The following SPINK5 variants were observed in gnomAD, a reference collection of about 807,000 sequenced individuals.
The protein encoded by SPINK5 is serine peptidase inhibitor Kazal type 5.
A neutral mutation model predicts 151.8 loss-of-function variants in SPINK5; 125 were observed. The observed-to-expected ratio is 0.82, with a 90% CI of 0.71 to 0.96. The LOEUF is 0.96. Among genes scored for constraint, SPINK5 ranks in the 40% least tolerant of loss-of-function variants. The pLI, the probability that SPINK5 is intolerant of heterozygous loss-of-function variation, is 0.00. For missense variants in SPINK5, 1,194 were observed against 1,291.9 expected, an observed-to-expected ratio of 0.92 and a Z score of 1.16; for synonymous variants, 374 against 395.3, an observed-to-expected ratio of 0.95 and a Z score of 0.64.
At position 148,120,110 on chromosome 5, in the gene SPINK5, T is replaced by C. The variant is rs2113193797; in HGVS notation, c.2415T>C (p.Asn805=). The C allele has an allele frequency of 6.2e-7, 1 of 1,613,954 alleles. No individual in the cohort carries two copies. Among genetic ancestry groups the C allele is most frequent in the Non-Finnish European group, 8.5e-7 (1 of 1,179,858 alleles). The change falls in exon 25 of 33, where the codon AAT becomes AAC. Residue 805 remains asparagine, a synonymous_variant. Transcript: ENST00000256084. ...GTCCAGATGGCAAGACACATGGCAA[T>C]AAGTGTACTATGTGTAAGGAAAAAC... ...VRGPDGKTHG[N]KCTMCKEKLE...
chr5:148,112,753 C>G, intron 19 of SPINK5, 115 bp from the exon 20 acceptor site: 1 of 1,509,008 alleles, frequency 6.6e-7, no homozygotes, highest in Non-Finnish European at 9.0e-7. Flanking sequence ...CACTCCAAAG[C>G]TAAGTTGGTG....
At chr5:148,124,942 C>T in intron 28 of SPINK5, 105 bp downstream of exon 28, 1 of 1,290,954 alleles carries the variant, frequency 7.7e-7, no homozygotes, top group Non-Finnish European at 9.9e-7. Flanking sequence ...ATCTTAACTT[C>T]AAAGAAAATT....
rs114798985 is a variant in SPINK5 at position 148,064,701 on chromosome 5, A to C, written c.55+602A>C. On this transcript the variant is annotated intron_variant, in intron 1 of 32. Transcript: ENST00000256084. The stretch of plus-strand genomic sequence containing the variant: ...AATTGCCTAGACTTACGTTGCTCTG[A>C]AACATTAAAATTTTTAAAAAGAGAA... Among the ~76,000 whole-genome samples, 833 of 152,262 alleles carry C rather than the reference A, an allele frequency of 5.5e-3. 8 individuals carry two copies. The highest frequency in any genetic ancestry group is 0.019 in the African/African-American group (769 of 41,548).
chr5:148,102,488 C>A (rs1263953204), intron 15 of SPINK5, among the ~76,000 whole-genome samples: 1 of 152,000 alleles, frequency 6.6e-6, no homozygotes, highest in Non-Finnish European at 1.5e-5. Context: ...ACACTGAATT[C>A]AATTAATATG....
intron 18 of SPINK5, among the ~76,000 whole-genome samples, chr5:148,111,484 CT>C (rs770760685): frequency 5.3e-5 from 8 of 152,132 alleles, no homozygotes; most frequent in Non-Finnish European, 1.0e-4. Context: ...CCACAGATTC[CT>C]TTACCAATTT....
At chr5:148,100,413 A>G (rs769311166) in intron 12 of SPINK5, 41 bp from the exon 13 acceptor site, 1 of 1,596,808 alleles carries the variant, frequency 6.3e-7, no homozygotes, top group Non-Finnish European at 8.6e-7. Context: ...CTTTAAGTAG[A>G]AATGAAATAT....
At chr5:148,078,355 C>A (rs1752937377) in intron 4 of SPINK5, among the ~76,000 whole-genome samples, 1 of 150,954 alleles carries the variant, frequency 6.6e-6, no homozygotes, top group Non-Finnish European at 1.5e-5. Flanking sequence ...TTAGGAATTT[C>A]AATACTCCAC....
intron 29 of SPINK5, 43 bp from the exon 30 acceptor site, chr5:148,126,940 G>C: frequency 3.3e-5 from 48 of 1,476,116 alleles, no homozygotes; most frequent in Non-Finnish European, 4.4e-5. Flanking sequence ...GAAGTTATAG[G>C]AACTGTTTCT....
At chr5:148,095,132 C>T (rs1332943031) in intron 9 of SPINK5, among the ~76,000 whole-genome samples, 2 of 151,964 alleles carry the variant, frequency 1.3e-5, no homozygotes, top group Non-Finnish European at 2.9e-5. Flanking sequence ...TGGACAAGAA[C>T]TCCTAAAGTC....
At chr5:148,091,131 CAT>C in intron 7 of SPINK5, 32 bp from the exon 8 acceptor site, 1 of 1,580,100 alleles carries the variant, frequency 6.3e-7, no homozygotes, top group Non-Finnish European at 8.7e-7. Context: ...ATGATTGAGT[CAT>C]AAACTGACCA....
Position 148,137,178 on chromosome 5 carries a change from G to C in SPINK5, c.*187G>C. On this transcript the variant is annotated 3_prime_UTR_variant, in exon 33 of 33. Transcript: ENST00000256084. ...CCATCTCTTTCCTCCTAGACTCTGT[G>C]ATCTGAGGGTATAAAGACATCTCCA... is the stretch of plus-strand genomic sequence containing the variant. 1 of 730,428 alleles carries C rather than the reference G, an allele frequency of 1.4e-6. No homozygotes were observed. The highest frequency in any genetic ancestry group is 2.3e-6 in the Non-Finnish European group (1 of 433,810). The allele number at this position is 730,428 out of a possible 1,614,324, so 45.2% of individuals were successfully genotyped here. A position where few individuals can be genotyped will look rare whatever the true frequency, so the allele number is the denominator to read the frequency against.
At chr5:148,098,468 C>T (rs1753535484) in intron 11 of SPINK5, among the ~76,000 whole-genome samples, 1 of 134,576 alleles carries the variant, frequency 7.4e-6, no homozygotes, top group South Asian at 2.5e-4. Flanking sequence ...AGTTTTCTTT[C>T]AAGATTTACG....
intron 6 of SPINK5, chr5:148,088,934 T>G: frequency 2.1e-6 from 1 of 476,574 alleles, no homozygotes; most frequent in South Asian, 1.7e-5. Context: ...ACCCCAGCAG[T>G]GTCACTTGCT....
At chr5:148,122,216 C>T (rs1156534769) in intron 26 of SPINK5, among the ~76,000 whole-genome samples, 1 of 151,946 alleles carries the variant, frequency 6.6e-6, no homozygotes, top group Non-Finnish European at 1.5e-5. Context: ...TGGAGGGTTG[C>T]AATACAGTCA....
At position 148,091,050 on chromosome 5, in the gene SPINK5, GA is replaced by G. The variant is rs547358642; in HGVS notation, c.603-114del. The G allele has an allele frequency of 4.5e-4, 397 of 879,158 alleles. 2 individuals carry two copies. The African/African-American group carries it at 6.1e-3, about 14-fold the overall frequency. The allele number at this position is 879,158 out of a possible 1,614,324, so 54.5% of individuals were successfully genotyped here. On this transcript the variant is annotated intron_variant, in intron 7 of 32. Transcript: ENST00000256084. ...AGACGGAAATGCTTGTCTCTTGTAA[GA>G]GGATCATTTTCAGCAATTCGTAGCA... is the stretch of plus-strand genomic sequence containing the variant.
chr5:148,093,961 T>A (rs542218526), intron 8 of SPINK5, among the ~76,000 whole-genome samples: 1 of 151,966 alleles, frequency 6.6e-6, no homozygotes, highest in Non-Finnish European at 1.5e-5. Context: ...ATAAATCTAT[T>A]ATAAAGTTTC....
chr5:148,131,148 CT>C, intron 30 of SPINK5, 110 bp from the exon 31 acceptor site: 6 of 1,391,040 alleles, frequency 4.3e-6, no homozygotes, highest in Non-Finnish European at 6.1e-6. Flanking sequence ...TATCACACTC[CT>C]TTTACAACCA....
In SPINK5 at chr5:148,099,308, CAT is replaced by C; in HGVS notation, c.1088_1089del (p.Tyr363CysfsTer6). ...AAAAGAGAATCTGGAAAAGCAACCT[CAT>C]ATGCAGTGAGTGGAATCCATCCAAT... On this transcript the variant is annotated frameshift_variant, in exon 12 of 33. Transcript: ENST00000256084. LOFTEE classifies it high-confidence loss of function. 1 of 1,612,110 alleles carries C rather than the reference CAT, an allele frequency of 6.2e-7. No individual in the cohort carries two copies. The highest frequency in any genetic ancestry group is 8.5e-7 in the Non-Finnish European group (1 of 1,178,854).
rs1167346516 is a variant in SPINK5 at position 148,112,921 on chromosome 5, G to T, written c.1874G>T (p.Arg625Ile). The change falls in exon 20 of 33, where the codon AGA (arginine) becomes ATA (isoleucine). Residue 625 changes from arginine to isoleucine, a missense_variant. Coordinates refer to ENST00000256084, the MANE Select transcript of SPINK5 (RefSeq NM_006846.4). ...GCTGAACCCAGAGCAAAAGTCAAAA[G>T]AGAAGCTGAAAAGGTAGTAATCCTG... Reference protein sequence around the residue: ...ERAEPRAKVKREAEKETCDEF... With the variant: ...ERAEPRAKVKIEAEKETCDEF... The T allele has an allele frequency of 6.2e-7, 1 of 1,613,714 alleles. No homozygotes were observed. The highest frequency in any genetic ancestry group is 8.5e-7 in the Non-Finnish European group (1 of 1,179,880).
Sources: gnomAD v4.1 joint callset for allele counts (sites outside exome capture counted in the v4.1 genomes callset) on GRCh38, gnomAD v4.1.1 for gene constraint, MANE v1.5 for transcripts, NCBI Gene and HGNC (gene_info 2026-07-23, HGNC 2026-07-21) for gene names.